Variants in PER3 observed in about 807,000 individuals in gnomAD.
PER3 encodes period circadian protein homolog 3.
PER3 carries 107 observed loss-of-function variants against 127.2 expected under a neutral mutation model. The ratio of observed to expected loss-of-function variants is 0.84; its 90% CI spans 0.72 to 0.99. The LOEUF is 0.99. Among genes scored for constraint, PER3 ranks in the 50% least tolerant of loss-of-function variants. The probability of loss-of-function intolerance (pLI) is 0.00; values close to 1 mark genes in which losing one functional copy is unlikely to be tolerated. For synonymous variants in PER3, 618 were observed against 585.8 expected (o/e 1.05, Z -0.79); for missense variants, 1,560 against 1,525.8 (o/e 1.02, Z -0.37).
intron 5 of PER3, among the ~76,000 whole-genome samples, chr1:7,789,756 A>AG (rs1346716656): frequency 3.9e-5 from 6 of 152,232 alleles, no homozygotes; most frequent in Non-Finnish European, 8.8e-5. Flanking sequence ...AATTTAATGA[A>AG]GGGTAGCTTT....
intron 6 of PER3, among the ~76,000 whole-genome samples, chr1:7,796,862 G>A (rs1362547903): frequency 6.6e-6 from 1 of 152,136 alleles, no homozygotes; most frequent in African/African-American, 2.4e-5. Flanking sequence ...TTTATTAATG[G>A]GTTATATTTG....
In PER3 at chr1:7,829,837, T is replaced by C. The variant is rs752036854; in HGVS notation, c.2890T>C (p.Cys964Arg). 5 of 1,611,642 alleles carry C rather than the reference T, an allele frequency of 3.1e-6. No homozygotes were observed. The highest frequency in any genetic ancestry group is 4.2e-6 in the Non-Finnish European group (5 of 1,177,810). The change falls in exon 19 of 22, where the codon TGT becomes CGT. Residue 964 changes from cysteine (C) to arginine (R), a missense_variant. Physicochemically the swap from Cys to Arg is radical, Grantham distance 180 (BLOSUM62 -3). Transcript: ENST00000377532. ...RNTCPQTEYQ[C>R]VTGNNGSESS... Reference sequence around the variant, plus strand: ...TTCATGTGCCCTTACTTTCTAGCAGTGTGTTACAGGCAACAATGGCAGTGA... The same window carrying C: ...TTCATGTGCCCTTACTTTCTAGCAGCGTGTTACAGGCAACAATGGCAGTGA...
At chr1:7,836,959 C>T (rs779471471) in intron 20 of PER3, 40 bp from the exon 21 acceptor site, 1 of 1,550,430 alleles carries the variant, frequency 6.4e-7, no homozygotes, top group Non-Finnish European at 8.8e-7. Context: ...AACCCTGTGT[C>T]TTATTCAGGA....
At chr1:7,820,796 TATC>T (rs985869717) in intron 16 of PER3, among the ~76,000 whole-genome samples, 156 bp downstream of exon 16, 18 of 152,366 alleles carry the variant, frequency 1.2e-4, no homozygotes, top group African/African-American at 3.8e-4. Context: ...CTGGAAACAT[TATC>T]ATGTTTATGT....
rs1328603256 is a variant in PER3, at chr1:7,785,581, T to C, written c.269T>C (p.Val90Ala). ...LNYALRCVHSVQANSEFFQIL... is the reference protein window; with the variant it reads ...LNYALRCVHSAQANSEFFQIL... Reference sequence around the variant, plus strand: ...TATGCTCTCCGCTGTGTCCACAGCGTTCAAGGTAAACAAGCCGGAGAGAAA... The same window carrying C: ...TATGCTCTCCGCTGTGTCCACAGCGCTCAAGGTAAACAAGCCGGAGAGAAA... The change falls in exon 3 of 22, where the codon GTT becomes GCT. Residue 90 changes from valine to alanine, a missense_variant. By Grantham distance (64) the Val-to-Ala change is moderately conservative (BLOSUM62 0). Around this residue, in one of 3 missense-constraint regions of PER3, gnomAD observed 1,332 missense variants for 1,223.6 expected, o/e 1.09. Coordinates refer to ENST00000377532, the MANE Select transcript of PER3 (RefSeq NM_001377275.1). The C allele has an allele frequency of 6.2e-7, 1 of 1,609,808 alleles. No homozygotes were observed. Among genetic ancestry groups the C allele is most frequent in the Non-Finnish European group, 8.5e-7 (1 of 1,177,978 alleles).
rs779221925 is a variant in PER3 at position 7,808,941 on chromosome 1, C to A, written c.1185C>A (p.Asn395Lys). 1.2e-6 allele frequency: 2 copies of A among 1,601,612 alleles called. No individual in the cohort carries two copies. Among genetic ancestry groups the A allele is most frequent in the Non-Finnish European group, 1.7e-6 (2 of 1,169,704 alleles). Reference protein sequence around the residue: ...DVFATKIKKMNDNDKDITELQ... With the variant: ...DVFATKIKKMKDNDKDITELQ... ...TTGCTACCAAAATTAAAAAGATGAA[C>A]GATAATGACAAAGACATAACAGAAT... is the stretch of plus-strand genomic sequence containing the variant. Residue 395 changes from asparagine (N) to lysine (K), a missense_variant, in exon 11 of 22, where the codon AAC (asparagine) becomes AAA (lysine). This residue lies in a region of PER3 where 1,332 missense variants were observed against 1,223.6 expected (regional missense o/e 1.09). Coordinates refer to ENST00000377532, the MANE Select transcript of PER3 (RefSeq NM_001377275.1).
In PER3 at chr1:7,810,096, T is replaced by C; in HGVS notation, c.1371+75T>C. Reference sequence around the variant, plus strand: ...TACCTCGGTTCTGAATGTGGTGACATCTTAGTATATATTCCTGACTTGAAG... The same window carrying C: ...TACCTCGGTTCTGAATGTGGTGACACCTTAGTATATATTCCTGACTTGAAG... On this transcript the variant is annotated intron_variant, in intron 12 of 21. Transcript: ENST00000377532. 2.2e-6 allele frequency: 3 copies of C among 1,369,616 alleles called. No homozygotes were observed. The Admixed American group carries it at 6.4e-5, about 29-fold the overall frequency. The allele number at this position is 1,369,616 out of a possible 1,614,324, so 84.8% of individuals were successfully genotyped here.
chr1:7,806,812 A>AAT (rs1553309917), intron 10 of PER3, among the ~76,000 whole-genome samples: 163 of 60,630 alleles, frequency 2.7e-3, no homozygotes, highest in African/African-American at 8.8e-3. Context: ...AAAAAAAAAA[A>AAT]ATATATATAT....
Position 7,827,514 on chromosome 1 carries a change from A to AC in PER3, c.2591dup (p.Val865CysfsTer83), listed in dbSNP as rs752424798. On this transcript the variant is annotated frameshift_variant, in exon 18 of 22. Coordinates refer to ENST00000377532, the MANE Select transcript of PER3 (RefSeq NM_001377275.1). LOFTEE classifies it high-confidence loss of function. ...ACTTTTATGACCGTTTTCCTGCCTGACCCCCCTGTCTGTCCTCTGTTGTCG... is the reference window on the plus strand; with the variant it reads ...ACTTTTATGACCGTTTTCCTGCCTGACCCCCCCTGTCTGTCCTCTGTTGTCG... The AC allele has an allele frequency of 2.5e-5, 41 of 1,612,130 alleles. No homozygotes were observed. In the East Asian group the frequency reaches 6.7e-4, roughly 26 times the overall value.
At chr1:7,801,265 T>C in intron 8 of PER3, 74 bp downstream of exon 8, 6 of 848,474 alleles carry the variant, frequency 7.1e-6, no homozygotes, top group Non-Finnish European at 1.2e-5. Context: ...TTACATTATG[T>C]TTGCATGTTT....
Position 7,786,810 on chromosome 1 carries a change from G to C in PER3, c.364G>C (p.Ala122Pro). 1 of 1,604,072 alleles carries C rather than the reference G, an allele frequency of 6.2e-7. No homozygotes were observed. Among genetic ancestry groups the C allele is most frequent in the Non-Finnish European group, 8.5e-7 (1 of 1,170,856 alleles). The change falls in exon 4 of 22, where the codon GCT (alanine) becomes CCT (proline). Residue 122 changes from alanine to proline, a missense_variant. Transcript: ENST00000377532. ...CAGTCTTGAGGAGCTGGCCACTATC[G>C]CTTCAGAACACACTTCCAAAAACAC... ...MYSLEELATI[A>P]SEHTSKNTDT...
rs776133250 is a variant in PER3, at chr1:7,827,518, C to A, written c.2589C>A (p.Pro863=). The A allele has an allele frequency of 6.2e-7, 1 of 1,614,246 alleles. No individual in the cohort carries two copies. The highest frequency in any genetic ancestry group is 1.7e-5 in the Admixed American group (1 of 60,026). The part of the protein sequence containing the change: ...DTFMTVFLPD[P]PVCPLLSPSF... ...TTATGACCGTTTTCCTGCCTGACCC[C>A]CCTGTCTGTCCTCTGTTGTCGCCAT... The change falls in exon 18 of 22, where the codon CCC becomes CCA. Residue 863 remains proline (P), a synonymous_variant. Coordinates refer to ENST00000377532, the MANE Select transcript of PER3 (RefSeq NM_001377275.1).
At chr1:7,805,508 G>A (rs1439033909) in intron 10 of PER3, among the ~76,000 whole-genome samples, 1 of 152,020 alleles carries the variant, frequency 6.6e-6, no homozygotes, top group African/African-American at 2.4e-5. Context: ...GAAGAAATGG[G>A]CTCCTGGCCG....
At chr1:7,818,754 C>T (rs1416830168) in intron 13 of PER3, among the ~76,000 whole-genome samples, 1 of 152,214 alleles carries the variant, frequency 6.6e-6, no homozygotes, top group East Asian at 1.9e-4. Flanking sequence ...TAGCCATATT[C>T]CAAGTGTTTA....
Position 7,820,419 on chromosome 1 carries a change from C to G in PER3, c.1784-48C>G, listed in dbSNP as rs76912571. On this transcript the variant is annotated intron_variant, in intron 15 of 21. Transcript: ENST00000377532. Reference sequence around the variant, plus strand: ...TAAACTGGGTCTTTTATGTAAATTTCTCGTTGGGAATTTTTCTTTTCACTG... The same window carrying G: ...TAAACTGGGTCTTTTATGTAAATTTGTCGTTGGGAATTTTTCTTTTCACTG... The G allele has an allele frequency of 4.8e-3, 7,366 of 1,546,792 alleles. 285 individuals carry two copies. The African/African-American group carries it at 0.082, about 17-fold the overall frequency.
intron 16 of PER3, among the ~76,000 whole-genome samples, chr1:7,825,567 G>C (rs894666323): frequency 6.6e-6 from 1 of 152,152 alleles, no homozygotes; most frequent in African/African-American, 2.4e-5. Context: ...CAGAGAGGAA[G>C]ATAATCTATA....
intron 6 of PER3, among the ~76,000 whole-genome samples, chr1:7,797,795 G>T (rs533540407): frequency 2.6e-5 from 4 of 152,270 alleles, no homozygotes; most frequent in African/African-American, 7.2e-5. Context: ...TGTGAATTCA[G>T]TCTTGGGCTT....
rs1242547015 is a variant in PER3, at chr1:7,819,994, C to CT, written c.1659-118dup. ...TTGAGGCTGGGATGGTCAGGGAAGA[C>CT]TTTATCAAAGAAGAAAGTACAAAGT... On this transcript the variant is annotated intron_variant, in intron 14 of 21. Transcript: ENST00000377532. The CT allele has an allele frequency of 6.1e-6, 6 of 986,322 alleles. No homozygotes were observed. In the African/African-American group the frequency reaches 8.1e-5, roughly 13 times the overall value. 61.1% of individuals were successfully genotyped at this position (986,322 alleles called of 1,614,324 possible). A position where few individuals can be genotyped will look rare whatever the true frequency, so the allele number is the denominator to read the frequency against.
At position 7,827,356 on chromosome 1, in the gene PER3, T is replaced by G. The variant is rs543375256; in HGVS notation, c.2427T>G (p.Ala809=). ...GCCAGGCCCCTTACCTCGTCCCAGC[T>G]TTTCCCCTCCCAGCCGCGACCTCAC... ...VPSQAPYLVP[A]FPLPAATSPG... is the part of the protein sequence containing the mutation. Residue 809 remains alanine (A), a synonymous_variant, in exon 18 of 22, where the codon GCT becomes GCG. Transcript: ENST00000377532. The G allele has an allele frequency of 1.9e-5, 30 of 1,613,912 alleles. No homozygotes were observed. In the Admixed American group the frequency reaches 4.3e-4, roughly 23 times the overall value.
Sources: allele counts gnomAD v4.1 joint callset (sites outside exome capture counted in the v4.1 genomes callset), GRCh38; gene constraint gnomAD v4.1.1; regional missense constraint gnomAD v4.1.1; transcripts MANE v1.5; gene names NCBI Gene and HGNC (gene_info 2026-07-23, HGNC 2026-07-21).